TBC1D16: variants seen among roughly 807,000 people sequenced by gnomAD.
TBC1D16 encodes the protein CTD-2529O21.1.
Under a neutral mutation model 74.7 loss-of-function variants are expected in TBC1D16, and 58 were observed. The observed-to-expected ratio is 0.78, with a 90% confidence interval of 0.63 to 0.97. The LOEUF (loss-of-function observed/expected upper bound fraction) is 0.97, where lower values mean the gene tolerates loss of function less well. TBC1D16 is among the 50% of genes least tolerant of loss of function. The pLI is 0.00. For missense variants in TBC1D16, 1,014 were observed against 1,079.5 expected (o/e 0.94, Z 0.85); for synonymous variants, 493 against 474.7 (o/e 1.04, Z -0.50).
chr17:80,014,155 G>A (rs1220410819), intron 1 of TBC1D16, among the ~76,000 whole-genome samples: 6 of 152,132 alleles, frequency 3.9e-5, no homozygotes, highest in African/African-American at 9.7e-5. Flanking sequence ...TAAGGGGTTC[G>A]AGACCAGCCT....
chr17:80,024,503 C>T (rs2036445125), intron 1 of TBC1D16, among the ~76,000 whole-genome samples: 1 of 145,370 alleles, frequency 6.9e-6, no homozygotes, highest in Non-Finnish European at 1.5e-5. Context: ...ACCACACGCA[C>T]CATAGACAAA....
In TBC1D16 at chr17:80,035,640, G is replaced by A. The variant is rs2036966479; in HGVS notation, c.-63+155C>T. On this transcript the variant is annotated intron_variant, in intron 1 of 11. Coordinates refer to ENST00000310924, the MANE Select transcript of TBC1D16 (RefSeq NM_019020.4). This position sits in a 1 kb window ranked among gnomAD's most constrained non-coding sequence, Gnocchi z 5.3. ...GCCCCGCACCCCGAGGACGGCGGCC[G>A]GACCCCGGCCCCTCCCCGGTCCCGC... 6.6e-6 allele frequency among the ~76,000 whole-genome samples: 1 copy of A among 150,770 alleles called. No homozygotes were observed. The highest frequency in any genetic ancestry group is 1.5e-5 in the Non-Finnish European group (1 of 67,540).
rs1418814011 is a variant in TBC1D16, at chr17:80,024,939, A to C, written c.-63+10856T>G. Among the ~76,000 whole-genome samples the C allele has an allele frequency of 1.8e-5, 2 of 113,970 alleles. 1 individual carries two copies. Among genetic ancestry groups the C allele is most frequent in the Non-Finnish European group, 3.6e-5 (2 of 55,304 alleles). 74.8% of individuals were successfully genotyped at this position (113,970 alleles called of 152,430 possible). On this transcript the variant is annotated intron_variant, in intron 1 of 11. Transcript: ENST00000310924. ...ACCACACACCATAGACACACACACC[A>C]CACACACCATAGACACACCACACAC...
At chr17:80,005,821 G>A (rs2035652526) in intron 3 of TBC1D16, among the ~76,000 whole-genome samples, 1 of 152,102 alleles carries the variant, frequency 6.6e-6, no homozygotes, top group Non-Finnish European at 1.5e-5. Context: ...GCAGCCCGGG[G>A]GATACTGCCA....
At chr17:79,982,134 T>G (rs577720481) in intron 3 of TBC1D16, among the ~76,000 whole-genome samples, 1 of 152,076 alleles carries the variant, frequency 6.6e-6, no homozygotes, top group Non-Finnish European at 1.5e-5. Flanking sequence ...TCGTTTTTCT[T>G]TGTGTGGTTT....
chr17:80,023,484 C>A (rs1015700252), intron 1 of TBC1D16, among the ~76,000 whole-genome samples: 1 of 150,114 alleles, frequency 6.7e-6, no homozygotes, highest in African/African-American at 2.5e-5. Flanking sequence ...AGGCCCACAG[C>A]CCCTGCGGCC....
rs2035473110 is a variant in TBC1D16, at chr17:80,001,205, G to T, written c.779+8955C>A. On this transcript the variant is annotated intron_variant, in intron 3 of 11. Transcript: ENST00000310924. This position sits in a 1 kb window ranked among gnomAD's most constrained non-coding sequence, Gnocchi z 5.8. Reference sequence around the variant, plus strand: ...CCGTAACAGCTTCCCTCAGACCCCTGGCATCGGCCACTCTCTGGGTGCAGG... The same window carrying T: ...CCGTAACAGCTTCCCTCAGACCCCTTGCATCGGCCACTCTCTGGGTGCAGG... 6.6e-6 allele frequency among the ~76,000 whole-genome samples: 1 copy of T among 152,208 alleles called. No homozygotes were observed.
In TBC1D16 at chr17:79,944,866, C is replaced by T; in HGVS notation, c.1908+42G>A. On this transcript the variant is annotated intron_variant, in intron 10 of 11. Transcript: ENST00000310924. This position sits in a 1 kb window ranked among gnomAD's most constrained non-coding sequence, Gnocchi z 7.7. ...AGGGTGGCCACGGTGGTTCAGGGGC[C>T]ATGGTCCCAACCTCCCCAGCCCTGG... 6.6e-7 allele frequency: 1 copy of T among 1,510,418 alleles called. No individual in the cohort carries two copies. The highest frequency in any genetic ancestry group is 8.9e-7 in the Non-Finnish European group (1 of 1,125,928). 93.6% of individuals were successfully genotyped at this position (1,510,418 alleles called of 1,614,324 possible).
In TBC1D16 at chr17:79,939,220, C is replaced by G. The variant is rs916883271; in HGVS notation, c.*1639G>C. On this transcript the variant is annotated 3_prime_UTR_variant, in exon 12 of 12. Transcript: ENST00000310924. ...CACCACAGGATCCCCCACTGCTAGA[C>G]AGCAATGGTCGGTACCCCAGGATCT... 2 of 152,290 alleles carry G rather than the reference C, an allele frequency of 1.3e-5. No homozygotes were observed. The highest frequency in any genetic ancestry group is 2.9e-5 in the Non-Finnish European group (2 of 68,090). The allele number at this position is 152,290 out of a possible 1,614,324, so 9.4% of individuals were successfully genotyped here.
rs951578252 is a variant in TBC1D16 at position 80,010,085 on chromosome 17, C to T, written c.779+75G>A. The T allele has an allele frequency of 5.1e-5, 62 of 1,216,576 alleles. No homozygotes were observed. Among genetic ancestry groups the T allele is most frequent in the Middle Eastern group, 5.6e-4 (2 of 3,554 alleles). 75.4% of individuals were successfully genotyped at this position (1,216,576 alleles called of 1,614,324 possible). ...AGCGCTCACCTGGCATCACAGGTGA[C>T]GCAGGTGAGTGCTTCCTGCCCAGGT... On this transcript the variant is annotated intron_variant, in intron 3 of 11. Coordinates refer to ENST00000310924, the MANE Select transcript of TBC1D16 (RefSeq NM_019020.4). The surrounding 1 kb of genome is among the most constrained non-coding windows in gnomAD (Gnocchi z 8.8).
rs1305775543 is a variant in TBC1D16 at position 79,961,144 on chromosome 17, A to G, written c.780-8326T>C. Among the ~76,000 whole-genome samples the G allele has an allele frequency of 3.3e-5, 5 of 152,272 alleles. No homozygotes were observed. Among genetic ancestry groups the G allele is most frequent in the African/African-American group, 9.6e-5 (4 of 41,482 alleles). ...AACAAGGGAATACATACGCCTCAGC[A>G]ATAAAAAGGAGCAAACTGCTGATAT... On this transcript the variant is annotated intron_variant, in intron 3 of 11. Coordinates refer to ENST00000310924, the MANE Select transcript of TBC1D16 (RefSeq NM_019020.4). The surrounding 1 kb of genome is among the most constrained non-coding windows in gnomAD (Gnocchi z 4.8).
chr17:79,970,804 G>T (rs906301407), intron 3 of TBC1D16, among the ~76,000 whole-genome samples: 1 of 145,408 alleles, frequency 6.9e-6, no homozygotes, highest in Non-Finnish European at 1.5e-5. Context: ...AATAAGCTAA[G>T]CACATCAGAG....
At chr17:79,974,604 G>A (rs1003735925) in intron 3 of TBC1D16, among the ~76,000 whole-genome samples, 3 of 152,216 alleles carry the variant, frequency 2.0e-5, no homozygotes, top group Admixed American at 6.5e-5. Flanking sequence ...AAGCTGCAGT[G>A]AGGGGGGACT....
At position 79,949,874 on chromosome 17, in the gene TBC1D16, A is replaced by G. The variant is rs375388988; in HGVS notation, c.1258-9T>C. On this transcript the variant is annotated splice_polypyrimidine_tract_variant and intron_variant, in intron 6 of 11. Transcript: ENST00000310924. ...CCGCCAAAGAAAATGGCCTGGAGGA[A>G]GCGGCAAAAGTTGGGGAGGGGATAA... 3 of 1,610,646 alleles carry G rather than the reference A, an allele frequency of 1.9e-6. No individual in the cohort carries two copies. The highest frequency in any genetic ancestry group is 3.3e-5 in the Admixed American group (2 of 59,866).
intron 1 of TBC1D16, among the ~76,000 whole-genome samples, chr17:80,027,397 G>C (rs993217632): frequency 3.9e-5 from 6 of 152,152 alleles, no homozygotes; most frequent in African/African-American, 1.4e-4. Context: ...AGGAGTTCGA[G>C]ATCAGCCTGG....
At chr17:80,024,989 C>A (rs1481443367) in intron 1 of TBC1D16, among the ~76,000 whole-genome samples, 1 of 133,358 alleles carries the variant, frequency 7.5e-6, no homozygotes, top group Non-Finnish European at 1.6e-5. Context: ...ACACACCACA[C>A]TCTACACACA....
chr17:79,942,170 C>T lies in TBC1D16; in HGVS notation c.1945G>A (p.Val649Met), dbSNP rs770682536. Residue 649 changes from valine to methionine, a missense_variant, in exon 11 of 12, where the codon GTG (valine) becomes ATG (methionine). By Grantham distance (21) the Val-to-Met change is conservative. Coordinates refer to ENST00000310924, the MANE Select transcript of TBC1D16 (RefSeq NM_019020.4). ...YFHLFICVAI[V>M]AIYGDDVIEQ... is the part of the protein sequence containing the mutation. ...ATGACGTCATCCCCGTAGATGGCCA[C>T]GATGGCCACGCAGATGAAAAGGTGG... 36 of 1,607,786 alleles carry T rather than the reference C, an allele frequency of 2.2e-5. No homozygotes were observed. Among genetic ancestry groups the T allele is most frequent in the East Asian group, 6.7e-5 (3 of 44,726 alleles).
chr17:79,968,774 A>G (rs560518003), intron 3 of TBC1D16, among the ~76,000 whole-genome samples: 1 of 146,796 alleles, frequency 6.8e-6, no homozygotes, highest in African/African-American at 2.5e-5. Context: ...AATGGCAGGA[A>G]CCTGGGAGGT....
At position 79,941,602 on chromosome 17, in the gene TBC1D16, G is replaced by A. The variant is rs1021895300; in HGVS notation, c.2055+458C>T. Among the ~76,000 whole-genome samples, 2 of 152,204 alleles carry A rather than the reference G, an allele frequency of 1.3e-5. No individual in the cohort carries two copies. Among genetic ancestry groups the A allele is most frequent in the African/African-American group, 2.4e-5 (1 of 41,454 alleles). ...CCCTGAGGACCACCAGAGAGCTAACGGGCAGCATCTCCAGGAGGCGTCTGG... is the reference window on the plus strand; with the variant it reads ...CCCTGAGGACCACCAGAGAGCTAACAGGCAGCATCTCCAGGAGGCGTCTGG... On this transcript the variant is annotated intron_variant, in intron 11 of 11. Transcript: ENST00000310924. The surrounding 1 kb of genome is among the most constrained non-coding windows in gnomAD (Gnocchi z 4.3).
Sources: allele counts gnomAD v4.1 joint callset (sites outside exome capture counted in the v4.1 genomes callset), GRCh38; gene constraint gnomAD v4.1.1; non-coding constraint Gnocchi (gnomAD v3.1); transcripts MANE v1.5; gene names NCBI Gene and HGNC (gene_info 2026-07-23, HGNC 2026-07-21).